KLF9: variants seen among roughly 807,000 people sequenced by gnomAD.
KLF9 encodes KLF transcription factor 9, also known as Krueppel-like factor 9.
In KLF9, 2 loss-of-function variants were observed where a neutral mutation model predicts 17.3. That is an observed-to-expected ratio of 0.12 (90% CI 0.05 to 0.36). The LOEUF is 0.36. Ranked by LOEUF, KLF9 falls within the 10% of genes least tolerant of loss-of-function variation. KLF9 has a pLI of 1.00. For synonymous variants in KLF9, 138 were observed against 139.2 expected, an observed-to-expected ratio of 0.99 and a Z score of 0.06; for missense variants, 226 against 333.2, an observed-to-expected ratio of 0.68 and a Z score of 2.51.
intron 1 of KLF9, among the ~76,000 whole-genome samples, chr9:70,392,585 T>C (rs2037159077): frequency 6.6e-6 from 1 of 152,202 alleles, no homozygotes; most frequent in African/African-American, 2.4e-5. Context: ...ATAGATGTTT[T>C]GCACTTAAGA....
At chr9:70,388,626 G>T (rs1033574130) in intron 1 of KLF9, among the ~76,000 whole-genome samples, 11 of 152,080 alleles carry the variant, frequency 7.2e-5, no homozygotes, top group African/African-American at 2.7e-4. Flanking sequence ...TAAAAAAGCT[G>T]AGCCTTTTTG....
intron 1 of KLF9, among the ~76,000 whole-genome samples, chr9:70,405,871 T>A (rs1236033181): frequency 2.0e-5 from 3 of 152,228 alleles, no homozygotes; most frequent in Non-Finnish European, 4.4e-5. Context: ...AACAAATGTT[T>A]ACTCGTGGCC....
At chr9:70,401,261 T>G (rs2075112769) in intron 1 of KLF9, among the ~76,000 whole-genome samples, 1 of 151,874 alleles carries the variant, frequency 6.6e-6, no homozygotes, top group African/African-American at 2.4e-5. Flanking sequence ...GGTGAGAGAC[T>G]GCTTGAGCCA....
chr9:70,401,721 G>GAAA (rs989359942), intron 1 of KLF9, among the ~76,000 whole-genome samples: 1 of 135,176 alleles, frequency 7.4e-6, no homozygotes, highest in Non-Finnish European at 1.6e-5. Context: ...GAAAAGAAAA[G>GAAA]AAAAAAAATT....
chr9:70,385,171 AT>A lies in KLF9; in HGVS notation c.*2604del, dbSNP rs2037101122. On this transcript the variant is annotated 3_prime_UTR_variant, in exon 2 of 2. Transcript: ENST00000377126. ...CTGCATTTGGATTTTCATAAGTTAA[AT>A]CCATGGTCTTTTTAATATAAAAAGT... 2 of 152,650 alleles carry A rather than the reference AT, an allele frequency of 1.3e-5. No homozygotes were observed. The highest frequency in any genetic ancestry group is 2.4e-5 in the African/African-American group (1 of 41,460). The allele number at this position is 152,650 out of a possible 1,614,324, so 9.5% of individuals were successfully genotyped here. A position where few individuals can be genotyped will look rare whatever the true frequency, so the allele number is the denominator to read the frequency against.
In KLF9 at chr9:70,387,928, G is replaced by A. The variant is rs1412245827; in HGVS notation, c.583C>T (p.Arg195Trp). 1.2e-6 allele frequency: 2 copies of A among 1,613,920 alleles called. No homozygotes were observed. The highest frequency in any genetic ancestry group is 2.2e-5 in the East Asian group (1 of 44,850). The change falls in exon 2 of 2, where the codon CGG (arginine) becomes TGG (tryptophan). Residue 195 changes from arginine (R) to tryptophan (W), a missense_variant. Coordinates refer to ENST00000377126, the MANE Select transcript of KLF9 (RefSeq NM_001206.4). Reference protein sequence around the residue: ...SRSDELTRHYRTHTGEKQFRC... With the variant: ...SRSDELTRHYWTHTGEKQFRC... ...AACTGCTTTTCCCCAGTGTGGGTCC[G>A]GTAGTGGCGGGTCAGCTCGTCTGAG...
At chr9:70,394,550 A>G (rs2037171661) in intron 1 of KLF9, among the ~76,000 whole-genome samples, 1 of 152,216 alleles carries the variant, frequency 6.6e-6, no homozygotes, top group Non-Finnish European at 1.5e-5. Context: ...CATTGCTATA[A>G]TTTAACATTT....
chr9:70,393,200 C>T (rs1302952345), intron 1 of KLF9, among the ~76,000 whole-genome samples: 1 of 152,192 alleles, frequency 6.6e-6, no homozygotes, highest in East Asian at 1.9e-4. Flanking sequence ...TTCTCCTGGG[C>T]CTACGGAGGG....
In KLF9 at chr9:70,386,150, C is replaced by T. The variant is rs111283536; in HGVS notation, c.*1626G>A. On this transcript the variant is annotated 3_prime_UTR_variant, in exon 2 of 2. Coordinates refer to ENST00000377126, the MANE Select transcript of KLF9 (RefSeq NM_001206.4). ...CCCTGTTTTAAATATCAGATAAAAT[C>T]ATCAGAAAGCGTTACTTCTGAAGAA... 892 of 152,626 alleles carry T rather than the reference C, an allele frequency of 5.8e-3. 5 individuals carry two copies. Among genetic ancestry groups the T allele is most frequent in the Middle Eastern group, 0.01 (3 of 294 alleles). The allele number at this position is 152,626 out of a possible 1,614,324, so 9.5% of individuals were successfully genotyped here. A position where few individuals can be genotyped will look rare whatever the true frequency, so the allele number is the denominator to read the frequency against.
chr9:70,413,013 A>G lies in KLF9; in HGVS notation c.351T>C (p.Pro117=). The G allele has an allele frequency of 6.2e-7, 1 of 1,614,146 alleles. No individual in the cohort carries two copies. Among genetic ancestry groups the G allele is most frequent in the Non-Finnish European group, 8.5e-7 (1 of 1,180,018 alleles). The change falls in exon 1 of 2, where the codon CCT becomes CCC. Residue 117 remains proline, a synonymous_variant. Coordinates refer to ENST00000377126, the MANE Select transcript of KLF9 (RefSeq NM_001206.4). This position sits in a 1 kb window ranked among gnomAD's most constrained non-coding sequence, Gnocchi z 5.6. ...PSHSPEERQD[P]GSAPSPLSLL... The stretch of plus-strand genomic sequence containing the variant: ...GGGAGAGCGGGCTGGGCGCGCTGCC[A>G]GGATCCTGTCTCTCCTCCGGGCTGT...
intron 1 of KLF9, among the ~76,000 whole-genome samples, chr9:70,401,686 C>CAAAAA (rs34988097): frequency 1.9e-3 from 117 of 63,070 alleles, no homozygotes; most frequent in Middle Eastern, 0.014. Flanking sequence ...GACTCCTTCA[C>CAAAAA]AAAAAAAAAA....
intron 1 of KLF9, among the ~76,000 whole-genome samples, chr9:70,402,722 C>T (rs540870361): frequency 9.7e-4 from 147 of 152,208 alleles, no homozygotes; most frequent in African/African-American, 2.6e-3. Flanking sequence ...GCCTATCTTT[C>T]GGGTTGAACT....
chr9:70,410,808 T>C (rs1826596550), intron 1 of KLF9, among the ~76,000 whole-genome samples: 1 of 152,126 alleles, frequency 6.6e-6, no homozygotes, highest in Non-Finnish European at 1.5e-5. Context: ...GACCTCCAAG[T>C]CTCTTATTTA....
intron 1 of KLF9, among the ~76,000 whole-genome samples, chr9:70,407,408 C>G (rs980458790): frequency 6.6e-6 from 1 of 152,196 alleles, no homozygotes; most frequent in Non-Finnish European, 1.5e-5. Context: ...CCCTCTCTCA[C>G]CCAGGAACCC....
chr9:70,385,571 CTG>C lies in KLF9; in HGVS notation c.*2203_*2204del, dbSNP rs1351297563. 1 of 152,564 alleles carries C rather than the reference CTG, an allele frequency of 6.6e-6. No individual in the cohort carries two copies. Among genetic ancestry groups the C allele is most frequent in the East Asian group, 1.9e-4 (1 of 5,186 alleles). 9.5% of individuals were successfully genotyped at this position (152,564 alleles called of 1,614,324 possible). A position where few individuals can be genotyped will look rare whatever the true frequency, so the allele number is the denominator to read the frequency against. On this transcript the variant is annotated 3_prime_UTR_variant, in exon 2 of 2. Transcript: ENST00000377126. ...TTGCTTTGCTTTCTTTCGTTTCTTT[CTG>C]TGAGGGAAAGATGACTTTTTACAAG...
chr9:70,396,113 C>T (rs963259597), intron 1 of KLF9, among the ~76,000 whole-genome samples: 4 of 152,074 alleles, frequency 2.6e-5, no homozygotes, highest in Admixed American at 6.6e-5. Flanking sequence ...CTGTTCATAC[C>T]GACCACTGGT....
intron 1 of KLF9, among the ~76,000 whole-genome samples, chr9:70,411,236 G>A (rs1037645087): frequency 1.2e-4 from 18 of 152,174 alleles, no homozygotes; most frequent in Non-Finnish European, 2.6e-4. Context: ...CTGCACGACT[G>A]GGCAGCTCCC....
rs553379686 is a variant in KLF9 at position 70,399,004 on chromosome 9, G to C, written c.506-10999C>G. Among the ~76,000 whole-genome samples, 10 of 151,712 alleles carry C rather than the reference G, an allele frequency of 6.6e-5. No individual in the cohort carries two copies. The South Asian group carries it at 2.1e-3, about 32-fold the overall frequency. On this transcript the variant is annotated intron_variant, in intron 1 of 1. Transcript: ENST00000377126. ...CATGCCACCACACCCAACTAATTTTGTTTATTTTTTGTATAGTCAGGGGTC... is the reference window on the plus strand; with the variant it reads ...CATGCCACCACACCCAACTAATTTTCTTTATTTTTTGTATAGTCAGGGGTC...
intron 1 of KLF9, among the ~76,000 whole-genome samples, chr9:70,397,240 C>T (rs770947246): frequency 2.0e-5 from 3 of 151,992 alleles, no homozygotes; most frequent in Non-Finnish European, 4.4e-5. Flanking sequence ...TTTGGGAGGC[C>T]AAGGGGGGTG....
Sources: allele counts gnomAD v4.1 joint callset (sites outside exome capture counted in the v4.1 genomes callset), GRCh38; gene constraint gnomAD v4.1.1; non-coding constraint Gnocchi (gnomAD v3.1); transcripts MANE v1.5; gene names NCBI Gene and HGNC (gene_info 2026-07-23, HGNC 2026-07-21).